FAT3: variants seen among roughly 807,000 people sequenced by gnomAD.
FAT3 encodes the protein FAT atypical cadherin 3, also known as protocadherin Fat 3.
In FAT3, 95 loss-of-function variants were observed where a neutral mutation model predicts 310.2. That is an observed-to-expected ratio of 0.31 (90% CI 0.26 to 0.36). The LOEUF (loss-of-function observed/expected upper bound fraction) is 0.36, where lower values mean the gene tolerates loss of function less well. FAT3 is among the 10% of genes least tolerant of loss of function. FAT3 has a pLI of 1.00. For missense variants in FAT3, 5,408 were observed against 5,715.6 expected, an observed-to-expected ratio of 0.95 and a Z score of 1.74; for synonymous variants, 2,314 against 2,192.9, an observed-to-expected ratio of 1.06 and a Z score of -1.54.
At chr11:92,868,135 C>T (rs1027848300) in intron 22 of FAT3, among the ~76,000 whole-genome samples, 4 of 152,150 alleles carry the variant, frequency 2.6e-5, no homozygotes, top group African/African-American at 4.8e-5. Context: ...GCTCAGCAGT[C>T]GTGTCATTAG....
At chr11:92,442,580 C>G (rs1490177061) in intron 2 of FAT3, among the ~76,000 whole-genome samples, 2 of 152,124 alleles carry the variant, frequency 1.3e-5, no homozygotes, top group Non-Finnish European at 2.9e-5. Flanking sequence ...TGTAAAGTAG[C>G]AGTCAGGCAC....
chr11:92,434,436 C>T (rs1950879877), intron 2 of FAT3, among the ~76,000 whole-genome samples: 3 of 152,092 alleles, frequency 2.0e-5, no homozygotes, highest in Admixed American at 2.0e-4. Flanking sequence ...CTCAGATTGC[C>T]ATATTTCTGC....
intron 13 of FAT3, among the ~76,000 whole-genome samples, chr11:92,814,822 C>A (rs898330786): frequency 7.9e-5 from 12 of 152,140 alleles, no homozygotes; most frequent in Non-Finnish European, 1.5e-4. Context: ...CACATATATA[C>A]CTGTGTAACA....
At chr11:92,560,247 T>C (rs1298358848) in intron 3 of FAT3, among the ~76,000 whole-genome samples, 5 of 152,234 alleles carry the variant, frequency 3.3e-5, no homozygotes, top group African/African-American at 9.6e-5. Context: ...TTGGTATGTC[T>C]TCTTTGGAGA....
intron 2 of FAT3, among the ~76,000 whole-genome samples, chr11:92,484,861 G>C (rs1262309027): frequency 6.6e-6 from 1 of 152,206 alleles, no homozygotes; most frequent in African/African-American, 2.4e-5. Flanking sequence ...GGGTCTGTAG[G>C]TGAACTGAAT....
intron 2 of FAT3, among the ~76,000 whole-genome samples, chr11:92,380,801 G>C (rs1412609252): frequency 1.3e-5 from 2 of 152,186 alleles, no homozygotes; most frequent in Admixed American, 6.5e-5. Flanking sequence ...CTCTATGTGA[G>C]TGAGCTTCTG....
chr11:92,515,966 T>C (rs1431737883), intron 2 of FAT3, among the ~76,000 whole-genome samples: 1 of 151,948 alleles, frequency 6.6e-6, no homozygotes, highest in Non-Finnish European at 1.5e-5. Context: ...AATAGACAAA[T>C]AACAAGTTCT....
intron 7 of FAT3, among the ~76,000 whole-genome samples, chr11:92,778,794 G>T (rs1384437939): frequency 2.0e-5 from 3 of 152,042 alleles, no homozygotes; most frequent in Admixed American, 2.0e-4. Context: ...GGGGATCATT[G>T]TCCTCTGAAG....
intron 4 of FAT3, among the ~76,000 whole-genome samples, chr11:92,724,672 A>G (rs1476519719): frequency 1.3e-5 from 2 of 152,214 alleles, no homozygotes; most frequent in East Asian, 1.9e-4. Context: ...CACTCACAGT[A>G]TTCATGTGTA....
At chr11:92,713,724 G>C (rs1048677928) in intron 4 of FAT3, among the ~76,000 whole-genome samples, 10 of 152,272 alleles carry the variant, frequency 6.6e-5, no homozygotes, top group Middle Eastern at 3.4e-3. Context: ...TTGAAGGCTA[G>C]TTAAAAAGAC....
chr11:92,841,662 A>C (rs1434766205), intron 18 of FAT3, among the ~76,000 whole-genome samples: 1 of 152,220 alleles, frequency 6.6e-6, no homozygotes, highest in Non-Finnish European at 1.5e-5. Context: ...CTTCTCACAG[A>C]AACTAGGACA....
chr11:92,279,889 C>T (rs562164895), intron 1 of FAT3, among the ~76,000 whole-genome samples: 1 of 152,084 alleles, frequency 6.6e-6, no homozygotes, highest in Non-Finnish European at 1.5e-5. Context: ...CAGAATATTG[C>T]TCCAAGTCTC....
At chr11:92,806,287 C>G in intron 11 of FAT3, 75 bp from the exon 12 acceptor site, 1 of 1,285,038 alleles carries the variant, frequency 7.8e-7, no homozygotes, top group South Asian at 1.5e-5. Flanking sequence ...TTAAAGAAAT[C>G]CTATATAATG....
chr11:92,550,003 G>A (rs1224931153), intron 3 of FAT3, among the ~76,000 whole-genome samples: 1 of 152,114 alleles, frequency 6.6e-6, no homozygotes, highest in Non-Finnish European at 1.5e-5. Flanking sequence ...TAATCACACA[G>A]CCTGTAAATG....
chr11:92,656,080 T>G (rs1591571873), intron 3 of FAT3, among the ~76,000 whole-genome samples: 1 of 152,240 alleles, frequency 6.6e-6, no homozygotes, highest in Middle Eastern at 3.4e-3. Context: ...CCCACAGAGT[T>G]TTGGGGTTAT....
In FAT3 at chr11:92,866,878, C is replaced by A. The variant is rs988188470; in HGVS notation, c.11796C>A (p.Ser3932=). 13 of 1,613,866 alleles carry A rather than the reference C, an allele frequency of 8.1e-6. No homozygotes were observed. The African/African-American group carries it at 1.1e-4, about 13-fold the overall frequency. Residue 3932 remains serine (S), a synonymous_variant, in exon 22 of 28, where the codon TCC becomes TCA. Transcript: ENST00000525166. ...LELNRNFTSL[S]LDDSYVERRR... ...TCAACCGCAATTTCACGAGCCTGTC[C>A]CTGGATGACAGCTACGTGGAGCGGC...
At chr11:92,690,494 TAAG>T (rs1235969436) in intron 3 of FAT3, among the ~76,000 whole-genome samples, 1 of 152,202 alleles carries the variant, frequency 6.6e-6, no homozygotes, top group Non-Finnish European at 1.5e-5. Context: ...AACCCTTACT[TAAG>T]AAGCATATCT....
rs895024420 is a variant in FAT3 at position 92,849,318 on chromosome 11, CT to C, written c.11365+4587del. Among the ~76,000 whole-genome samples the C allele has an allele frequency of 5.9e-5, 9 of 152,276 alleles. 1 individual carries two copies. Among genetic ancestry groups the C allele is most frequent in the South Asian group, 2.1e-4 (1 of 4,824 alleles). ...CCACCCACAGCAGACATCCTATTTT[CT>C]ATATTCCTGGCATAGTAATTCAGCC... On this transcript the variant is annotated intron_variant, in intron 19 of 27. Coordinates refer to ENST00000525166, the MANE Select transcript of FAT3 (RefSeq NM_001367949.2).
intron 4 of FAT3, among the ~76,000 whole-genome samples, chr11:92,751,633 G>A (rs1945831538): frequency 6.6e-6 from 1 of 152,126 alleles, no homozygotes; most frequent in Non-Finnish European, 1.5e-5. Flanking sequence ...ACAGAAAGGT[G>A]CCAAAAGACT....
Sources: gnomAD v4.1 joint callset for allele counts (sites outside exome capture counted in the v4.1 genomes callset) on GRCh38, gnomAD v4.1.1 for gene constraint, MANE v1.5 for transcripts, NCBI Gene and HGNC (gene_info 2026-07-23, HGNC 2026-07-21) for gene names.